Variants in PDGFC observed in about 807,000 individuals in gnomAD.
PDGFC encodes the protein platelet-derived growth factor C.
In PDGFC, 12 loss-of-function variants were observed where a neutral mutation model predicts 35.5. The observed-to-expected ratio is 0.34, with a 90% CI of 0.22 to 0.55. The LOEUF (loss-of-function observed/expected upper bound fraction) is 0.55, where lower values mean the gene tolerates loss of function less well. Among genes scored for constraint, PDGFC ranks in the 20% least tolerant of loss-of-function variants. The pLI, the probability that PDGFC is intolerant of heterozygous loss-of-function variation, is 0.91. For synonymous variants in PDGFC, 159 were observed against 148.8 expected (o/e 1.07, Z -0.50); for missense variants, 322 against 412.4 (o/e 0.78, Z 1.90).
At chr4:156,783,948 T>G (rs1272656223) in intron 3 of PDGFC, among the ~76,000 whole-genome samples, 3 of 152,162 alleles carry the variant, frequency 2.0e-5, no homozygotes, top group Admixed American at 2.0e-4. Context: ...TAATTTTAAA[T>G]GATTCTAGCT....
intron 1 of PDGFC, among the ~76,000 whole-genome samples, chr4:156,855,357 T>C (rs536819959): frequency 9.2e-5 from 14 of 152,276 alleles, no homozygotes; most frequent in African/African-American, 3.1e-4. Context: ...CTAAAAATCA[T>C]CCATGTCTTT....
chr4:156,927,156 C>T (rs1193457004), intron 1 of PDGFC, among the ~76,000 whole-genome samples: 1 of 152,124 alleles, frequency 6.6e-6, no homozygotes, highest in Non-Finnish European at 1.5e-5. Flanking sequence ...GGCTGGAGAG[C>T]AGGGCACCAA....
chr4:156,905,641 T>G (rs1164659971), intron 1 of PDGFC, among the ~76,000 whole-genome samples: 1 of 152,098 alleles, frequency 6.6e-6, no homozygotes, highest in Non-Finnish European at 1.5e-5. Context: ...GTAGAAAATA[T>G]GTCTCTAGTT....
intron 2 of PDGFC, among the ~76,000 whole-genome samples, chr4:156,817,667 G>A (rs1390532558): frequency 6.6e-6 from 1 of 152,068 alleles, no homozygotes; most frequent in Non-Finnish European, 1.5e-5. Flanking sequence ...AGTTTCATAG[G>A]AGAGTTCTAT....
intron 2 of PDGFC, among the ~76,000 whole-genome samples, chr4:156,826,849 T>C (rs569211702): frequency 6.6e-6 from 1 of 152,282 alleles, no homozygotes; most frequent in South Asian, 2.1e-4. Context: ...TATATACAAA[T>C]TTAGGTCTTG....
In PDGFC at chr4:156,837,638, C is replaced by T. The variant is rs372476490; in HGVS notation, c.314+12583G>A. The stretch of plus-strand genomic sequence containing the variant: ...ATGGCATTCCAAAATCCCCCAAATG[C>T]TCATAGAGCATAAACTCTTCTAATT... On this transcript the variant is annotated intron_variant, in intron 2 of 5. Transcript: ENST00000502773. 8.0e-5 allele frequency among the ~76,000 whole-genome samples: 12 copies of T among 150,146 alleles called. No homozygotes were observed. The East Asian group carries it at 2.3e-3, about 29-fold the overall frequency.
intron 1 of PDGFC, among the ~76,000 whole-genome samples, chr4:156,910,249 C>G (rs1169535024): frequency 6.6e-6 from 1 of 152,060 alleles, no homozygotes; most frequent in Non-Finnish European, 1.5e-5. Context: ...CACAAAGTTG[C>G]AAAAATAGTG....
At chr4:156,865,207 C>CACACACACAT (rs1489180285) in intron 1 of PDGFC, among the ~76,000 whole-genome samples, 1 of 151,820 alleles carries the variant, frequency 6.6e-6, no homozygotes, top group African/African-American at 2.4e-5. Context: ...CACACACACA[C>CACACACACAT]ACACACGCAG....
chr4:156,969,754 G>A (rs759268387), intron 1 of PDGFC, among the ~76,000 whole-genome samples: 3 of 152,112 alleles, frequency 2.0e-5, no homozygotes, highest in Non-Finnish European at 2.9e-5. Context: ...GATATACAAA[G>A]CAGTAAAAAC....
At chr4:156,890,042 C>T (rs1001113435) in intron 1 of PDGFC, among the ~76,000 whole-genome samples, 3 of 151,720 alleles carry the variant, frequency 2.0e-5, no homozygotes, top group Non-Finnish European at 4.4e-5. Context: ...TACATGCTAT[C>T]ATCCAGGTTA....
chr4:156,852,362 T>A (rs1729478563), intron 1 of PDGFC, among the ~76,000 whole-genome samples: 1 of 152,164 alleles, frequency 6.6e-6, no homozygotes, highest in Non-Finnish European at 1.5e-5. Context: ...ATGACGACAT[T>A]TCAGATTAAA....
intron 1 of PDGFC, among the ~76,000 whole-genome samples, chr4:156,925,356 T>C (rs1310319022): frequency 1.3e-5 from 2 of 152,062 alleles, no homozygotes; most frequent in African/African-American, 2.4e-5. Context: ...TTCAGGATGC[T>C]CAAGATGCTA....
intron 1 of PDGFC, among the ~76,000 whole-genome samples, chr4:156,893,007 T>C (rs762549185): frequency 2.0e-5 from 3 of 152,174 alleles, no homozygotes; most frequent in Non-Finnish European, 4.4e-5. Flanking sequence ...CACACAGATT[T>C]ATTACATACC....
intron 1 of PDGFC, among the ~76,000 whole-genome samples, chr4:156,944,881 A>T (rs1279799026): frequency 6.6e-6 from 1 of 151,470 alleles, no homozygotes; most frequent in South Asian, 2.1e-4. Flanking sequence ...CCAGAACACA[A>T]TCCCCCTTGC....
chr4:156,764,503 TAGAG>T (rs1167100555), intron 5 of PDGFC, among the ~76,000 whole-genome samples: 1 of 152,152 alleles, frequency 6.6e-6, no homozygotes, highest in African/African-American at 2.4e-5. Flanking sequence ...GATGAATTAT[TAGAG>T]AGATAGATAA....
chr4:156,883,843 G>T (rs1249374643), intron 1 of PDGFC, among the ~76,000 whole-genome samples: 2 of 152,184 alleles, frequency 1.3e-5, no homozygotes, highest in Non-Finnish European at 1.5e-5. Context: ...CCTGAGGGGG[G>T]TCACTTAGGG....
chr4:156,954,463 T>C (rs774383936), intron 1 of PDGFC, among the ~76,000 whole-genome samples: 25 of 151,974 alleles, frequency 1.6e-4, no homozygotes, highest in South Asian at 1.2e-3. Context: ...TTATATCTTA[T>C]GTTAACTAGA....
chr4:156,851,264 T>C (rs1579054822), intron 1 of PDGFC, among the ~76,000 whole-genome samples: 2 of 152,314 alleles, frequency 1.3e-5, no homozygotes, highest in East Asian at 3.9e-4. Context: ...ATAAGGGATC[T>C]ATTAGCAGTA....
chr4:156,942,822 G>A (rs996823619), intron 1 of PDGFC, among the ~76,000 whole-genome samples: 3 of 151,102 alleles, frequency 2.0e-5, no homozygotes, highest in Non-Finnish European at 4.4e-5. Flanking sequence ...CAATCAAATG[G>A]ATATGAATGA....
Sources: gnomAD v4.1 joint callset for allele counts (sites outside exome capture counted in the v4.1 genomes callset) on GRCh38, gnomAD v4.1.1 for gene constraint, MANE v1.5 for transcripts, NCBI Gene and HGNC (gene_info 2026-07-23, HGNC 2026-07-21) for gene names.